Variants in GAS2 observed in about 807,000 individuals in gnomAD.
GAS2 encodes growth arrest specific 2, also known as growth arrest-specific protein 2.
A neutral mutation model predicts 37.5 loss-of-function variants in GAS2; 20 were observed. The observed-to-expected ratio is 0.53, with a 90% CI of 0.37 to 0.77. GAS2 has a LOEUF of 0.77. Among genes scored for constraint, GAS2 ranks in the 30% least tolerant of loss-of-function variants. The pLI, the probability that GAS2 is intolerant of heterozygous loss-of-function variation, is 0.00. For missense variants in GAS2, 336 were observed against 373.4 expected (o/e 0.90, Z 0.82); for synonymous variants, 144 against 132.2 (o/e 1.09, Z -0.61).
At chr11:22,685,630 T>C (rs1291781769) in intron 2 of GAS2, 38 bp from the exon 3 acceptor site, 1 of 1,597,816 alleles carries the variant, frequency 6.3e-7, no homozygotes, top group Admixed American at 1.7e-5. Flanking sequence ...ATCTGACATT[T>C]GATTTTCCTT....
intron 7 of GAS2, among the ~76,000 whole-genome samples, chr11:22,769,278 G>A (rs1345506207): frequency 6.6e-6 from 1 of 152,196 alleles, no homozygotes; most frequent in African/African-American, 2.4e-5. Flanking sequence ...AACATGACAG[G>A]CAGGTAGGGG....
At chr11:22,635,285 A>G (rs955743963) in intron 1 of GAS2, among the ~76,000 whole-genome samples, 4 of 152,228 alleles carry the variant, frequency 2.6e-5, no homozygotes, top group African/African-American at 9.6e-5. Flanking sequence ...CATAAGCAGC[A>G]GCTCTAGTGG....
At chr11:22,760,307 C>G (rs531295564) in intron 7 of GAS2, among the ~76,000 whole-genome samples, 1 of 151,826 alleles carries the variant, frequency 6.6e-6, no homozygotes, top group South Asian at 2.1e-4. Flanking sequence ...TTTAAAATGG[C>G]CAAAGATTAG....
In GAS2 at chr11:22,762,594, C is replaced by G. The variant is rs377723616; in HGVS notation, c.723+6641C>G. On this transcript the variant is annotated intron_variant, in intron 7 of 7. Coordinates refer to ENST00000454584, the MANE Select transcript of GAS2 (RefSeq NM_001143830.3). ...TTTTATAATATATTTCATGCTCAAC[C>G]ACAGTAAAGTATTTTTACACAATTT... 4.6e-5 allele frequency among the ~76,000 whole-genome samples: 7 copies of G among 152,180 alleles called. No homozygotes were observed. In the East Asian group the frequency reaches 7.7e-4, roughly 17 times the overall value.
chr11:22,675,138 A>G (rs1335200395), intron 2 of GAS2, 124 bp downstream of exon 2: 2 of 989,916 alleles, frequency 2.0e-6, no homozygotes, highest in East Asian at 5.5e-5. Flanking sequence ...ATTATTTGAC[A>G]TTTGCATCTG....
At chr11:22,784,699 A>G (rs958899126) in intron 7 of GAS2, among the ~76,000 whole-genome samples, 1 of 152,140 alleles carries the variant, frequency 6.6e-6, no homozygotes, top group Non-Finnish European at 1.5e-5. Context: ...CGTTCCTCCA[A>G]TATGAGCCTC....
In GAS2 at chr11:22,712,135, C is replaced by G. The variant is rs183537408; in HGVS notation, c.268-14157C>G. Among the ~76,000 whole-genome samples, 7 of 152,248 alleles carry G rather than the reference C, an allele frequency of 4.6e-5. No homozygotes were observed. In the East Asian group the frequency reaches 1.4e-3, roughly 29 times the overall value. On this transcript the variant is annotated intron_variant, in intron 3 of 7. Transcript: ENST00000454584. Reference sequence around the variant, plus strand: ...AACTCATAACAGAACAACCCTGCTTCGAAGAAGGAAAAAACAACAGCTAAT... The same window carrying G: ...AACTCATAACAGAACAACCCTGCTTGGAAGAAGGAAAAAACAACAGCTAAT...
At chr11:22,664,867 CT>C (rs1282581211), upstream of GAS2, among the ~76,000 whole-genome samples, 1 of 152,074 alleles carries the variant, frequency 6.6e-6, no homozygotes, top group Admixed American at 6.5e-5. Context: ...TATTACTTCT[CT>C]TTTGTCACCA....
At position 22,636,896 on chromosome 11, in the gene GAS2, A is replaced by G. The variant is rs187304286; in HGVS notation, c.-21+11083A>G. On this transcript the variant is annotated intron_variant, in intron 1 of 5. Coordinates refer to the GAS2 transcript ENST00000528582. ...AAATGAAAATTTATATTACCTATTTATATTATTTAAATATAATATAAAATA... is the reference window on the plus strand; with the variant it reads ...AAATGAAAATTTATATTACCTATTTGTATTATTTAAATATAATATAAAATA... 1.0e-3 allele frequency among the ~76,000 whole-genome samples: 150 copies of G among 143,318 alleles called. No individual in the cohort carries two copies. In the East Asian group the frequency reaches 0.018, roughly 17 times the overall value. The allele number at this position is 143,318 out of a possible 152,430, so 94.0% of individuals were successfully genotyped here.
chr11:22,701,434 T>C (rs974826590), intron 3 of GAS2, among the ~76,000 whole-genome samples: 6 of 152,150 alleles, frequency 3.9e-5, no homozygotes, highest in African/African-American at 1.4e-4. Flanking sequence ...GGGTGTGATT[T>C]AAATGAAGAT....
At chr11:22,647,699 T>C (rs1848718606) in intron 1 of GAS2, among the ~76,000 whole-genome samples, 1 of 152,228 alleles carries the variant, frequency 6.6e-6, no homozygotes, top group Non-Finnish European at 1.5e-5. Flanking sequence ...TTTCATGTGT[T>C]TCTTGGCTGC....
intron 3 of GAS2, among the ~76,000 whole-genome samples, chr11:22,715,385 C>T (rs1320628778): frequency 3.2e-5 from 4 of 125,250 alleles, no homozygotes; most frequent in African/African-American, 1.2e-4. Flanking sequence ...CACTTGAACC[C>T]GGGAGGCGGA....
intron 2 of GAS2, among the ~76,000 whole-genome samples, chr11:22,682,903 A>G (rs535672468): frequency 3.1e-4 from 45 of 146,892 alleles, no homozygotes; most frequent in African/African-American, 9.2e-4. Flanking sequence ...AAAAAAAAAA[A>G]AGAGAAAATG....
intron 2 of GAS2, among the ~76,000 whole-genome samples, chr11:22,680,711 T>A (rs1430349138): frequency 6.6e-6 from 1 of 152,146 alleles, no homozygotes; most frequent in Non-Finnish European, 1.5e-5. Context: ...CCCAAGCTTT[T>A]TTTTTCCACC....
At chr11:22,663,329 T>C (rs1422296477), upstream of GAS2, among the ~76,000 whole-genome samples, 1 of 151,402 alleles carries the variant, frequency 6.6e-6, no homozygotes, top group East Asian at 1.9e-4. Flanking sequence ...ACCGTGACAC[T>C]GAGATGGGAG....
intron 3 of GAS2, among the ~76,000 whole-genome samples, chr11:22,690,954 A>G (rs1850219376): frequency 6.6e-6 from 1 of 152,122 alleles, no homozygotes; most frequent in Admixed American, 6.6e-5. Flanking sequence ...GGGGCAAGAC[A>G]TTCAAAAGGT....
intron 7 of GAS2, among the ~76,000 whole-genome samples, chr11:22,794,746 G>T (rs1020698285): frequency 1.3e-5 from 2 of 152,056 alleles, no homozygotes; most frequent in Admixed American, 1.3e-4. Flanking sequence ...CCCTTACCAG[G>T]TCCCCTTAGA....
intron 2 of GAS2, among the ~76,000 whole-genome samples, chr11:22,675,856 T>C (rs576653924): frequency 1.3e-5 from 2 of 152,282 alleles, no homozygotes; most frequent in Non-Finnish European, 2.9e-5. Context: ...TAAGAGTTGT[T>C]ATCCTCATTT....
chr11:22,811,689 T>C lies in GAS2; in HGVS notation c.724-109T>C, dbSNP rs565566671. ...CATTTTGCACCAAGTAGAAAAACAA[T>C]GGGTCATGAAATACAAACCAAAACA... is the stretch of plus-strand genomic sequence containing the variant. On this transcript the variant is annotated intron_variant, in intron 7 of 7. Coordinates refer to ENST00000454584, the MANE Select transcript of GAS2 (RefSeq NM_001143830.3). 3.9e-6 allele frequency: 4 copies of C among 1,015,260 alleles called. No homozygotes were observed. The African/African-American group carries it at 4.8e-5, about 12-fold the overall frequency. The allele number at this position is 1,015,260 out of a possible 1,614,324, so 62.9% of individuals were successfully genotyped here.
Sources: allele counts gnomAD v4.1 joint callset (sites outside exome capture counted in the v4.1 genomes callset), GRCh38; gene constraint gnomAD v4.1.1; transcripts MANE v1.5; gene names NCBI Gene and HGNC (gene_info 2026-07-23, HGNC 2026-07-21).